The following FMN2 variants were observed in gnomAD, a reference collection of about 807,000 sequenced individuals.
FMN2 encodes the protein formin-2.
FMN2 carries 51 observed loss-of-function variants against 142.3 expected under a neutral mutation model. That is an observed-to-expected ratio of 0.36 (90% CI 0.29 to 0.45). The LOEUF is 0.45. FMN2 is among the 20% of genes least tolerant of loss of function. The probability of loss-of-function intolerance (pLI) is 1.00; values close to 1 mark genes in which losing one functional copy is unlikely to be tolerated. For synonymous variants in FMN2, 882 were observed against 869.8 expected (o/e 1.01, Z -0.25); for missense variants, 1,936 against 2,122.8 (o/e 0.91, Z 1.73).
chr1:240,159,917 A>C (rs1434187830), intron 2 of FMN2, among the ~76,000 whole-genome samples: 2 of 128,522 alleles, frequency 1.6e-5, no homozygotes, highest in East Asian at 2.2e-4. Context: ...ATATATATAT[A>C]TATATATATA....
At chr1:240,259,857 C>G (rs933998909) in intron 7 of FMN2, among the ~76,000 whole-genome samples, 3 of 152,150 alleles carry the variant, frequency 2.0e-5, no homozygotes, top group Non-Finnish European at 4.4e-5. Flanking sequence ...ATCACCCAAG[C>G]AGTATACACT....
intron 2 of FMN2, among the ~76,000 whole-genome samples, chr1:240,172,595 A>C (rs1031178651): frequency 6.6e-6 from 1 of 152,130 alleles, no homozygotes; most frequent in African/African-American, 2.4e-5. Context: ...AAGACAAGGG[A>C]CACATTTTTC....
At chr1:240,143,596 T>C in intron 2 of FMN2, 3 of 1,607,136 alleles carry the variant, frequency 1.9e-6, no homozygotes, top group South Asian at 1.1e-5. Context: ...TGCACACACA[T>C]CTACCAGTGT....
At chr1:240,234,931 T>C (rs919833437) in intron 6 of FMN2, among the ~76,000 whole-genome samples, 1 of 152,212 alleles carries the variant, frequency 6.6e-6, no homozygotes, top group East Asian at 1.9e-4. Flanking sequence ...AGTACATCCC[T>C]CTTAACTACA....
chr1:240,291,355 A>T (rs1285186529), intron 7 of FMN2, among the ~76,000 whole-genome samples: 1 of 127,134 alleles, frequency 7.9e-6, no homozygotes, highest in African/African-American at 2.9e-5. Context: ...TTAAAACTGC[A>T]TTGTAGACCT....
At chr1:240,265,761 A>G (rs1244645915) in intron 7 of FMN2, among the ~76,000 whole-genome samples, 1 of 152,120 alleles carries the variant, frequency 6.6e-6, no homozygotes, top group African/African-American at 2.4e-5. Context: ...TCAAAAGGCT[A>G]TTGAGTTCTG....
intron 2 of FMN2, among the ~76,000 whole-genome samples, chr1:240,156,050 G>A (rs1664012598): frequency 6.6e-6 from 1 of 151,950 alleles, no homozygotes. Context: ...ACCACCTGAG[G>A]CAACATAGTC....
chr1:240,110,818 T>A (rs1238354945), intron 1 of FMN2, among the ~76,000 whole-genome samples: 1 of 152,146 alleles, frequency 6.6e-6, no homozygotes, highest in African/African-American at 2.4e-5. Flanking sequence ...AGCCCTTTTT[T>A]TTAAAAAAAA....
Position 240,127,682 on chromosome 1 carries a change from A to G in FMN2, c.1782+4337A>G, listed in dbSNP as rs115269378. On this transcript the variant is annotated intron_variant, in intron 2 of 17. Coordinates refer to ENST00000319653, the MANE Select transcript of FMN2 (RefSeq NM_020066.5). ...TTGTTATAGACAGGGTCTCACTGTG[A>G]TGTCCCAAGTTGGTCTTGAACTCCT... is the stretch of plus-strand genomic sequence containing the variant. 4.8e-3 allele frequency among the ~76,000 whole-genome samples: 737 copies of G among 152,184 alleles called. 3 individuals carry two copies. The highest frequency in any genetic ancestry group is 0.031 in the South Asian group (149 of 4,822).
At chr1:240,372,755 AAAGC>A (rs1406964353) in intron 14 of FMN2, among the ~76,000 whole-genome samples, 2 of 152,032 alleles carry the variant, frequency 1.3e-5, no homozygotes, top group South Asian at 2.1e-4. Flanking sequence ...GTAAAGCAAT[AAAGC>A]AAGTCACATG....
chr1:240,338,765 T>C (rs1671649973), intron 13 of FMN2, among the ~76,000 whole-genome samples: 1 of 152,214 alleles, frequency 6.6e-6, no homozygotes, highest in African/African-American at 2.4e-5. Context: ...GGTTTCAGGA[T>C]GATTCGAGGG....
chr1:240,165,724 G>A (rs1664454776), intron 2 of FMN2, among the ~76,000 whole-genome samples: 1 of 151,762 alleles, frequency 6.6e-6, no homozygotes. Flanking sequence ...GGGACCTGGG[G>A]CACTAATATT....
intron 2 of FMN2, among the ~76,000 whole-genome samples, chr1:240,136,562 C>T (rs986331056): frequency 1.3e-5 from 2 of 151,906 alleles, no homozygotes; most frequent in African/African-American, 4.8e-5. Flanking sequence ...TTTTTTTAAT[C>T]ACCCATTTGG....
rs538373490 is a variant in FMN2 at position 240,383,602 on chromosome 1, C to T, written c.4859-8909C>T. Among the ~76,000 whole-genome samples, 9 of 152,220 alleles carry T rather than the reference C, an allele frequency of 5.9e-5. No homozygotes were observed. In the South Asian group the frequency reaches 1.9e-3, roughly 32 times the overall value. ...GCAAGCCAAAAACAGCAGAGGTAGA[C>T]ATGGATGTGCAGAAAAGGGAATAGT... On this transcript the variant is annotated intron_variant, in intron 14 of 17. Transcript: ENST00000319653.
chr1:240,114,183 T>C (rs1661929009), intron 1 of FMN2, among the ~76,000 whole-genome samples: 1 of 152,224 alleles, frequency 6.6e-6, no homozygotes, highest in Middle Eastern at 3.2e-3. Context: ...AGACATCATG[T>C]TATTTTAATA....
chr1:240,146,953 T>TTC (rs35061231), intron 2 of FMN2, among the ~76,000 whole-genome samples: 40,577 of 151,968 alleles, frequency 0.27, 6,348 homozygotes, highest in Admixed American at 0.38. Flanking sequence ...GTGGATGATG[T>TTC]TCTCCTCAGG....
intron 14 of FMN2, among the ~76,000 whole-genome samples, chr1:240,373,403 G>A (rs1394245303): frequency 6.6e-6 from 1 of 152,162 alleles, no homozygotes; most frequent in Non-Finnish European, 1.5e-5. Flanking sequence ...TATATAGCAT[G>A]AGATGCTATT....
intron 4 of FMN2, among the ~76,000 whole-genome samples, chr1:240,193,868 A>G (rs755500513): frequency 9.9e-5 from 15 of 152,244 alleles, no homozygotes; most frequent in Non-Finnish European, 2.2e-4. Context: ...ATATCTGCTT[A>G]GACTCATCCA....
At position 240,192,024 on chromosome 1, in the gene FMN2, G is replaced by T. The variant is rs368784336; in HGVS notation, c.1986+3762G>T. Among the ~76,000 whole-genome samples, 186 of 152,278 alleles carry T rather than the reference G, an allele frequency of 1.2e-3. 4 individuals carry two copies. In the South Asian group the frequency reaches 0.028, roughly 23 times the overall value. On this transcript the variant is annotated intron_variant, in intron 4 of 17. Coordinates refer to ENST00000319653, the MANE Select transcript of FMN2 (RefSeq NM_020066.5). ...TCAGCACTGTCTTCCCCCATATGTTGTATGATCTATATGCAAATAAATTCT... is the reference window on the plus strand; with the variant it reads ...TCAGCACTGTCTTCCCCCATATGTTTTATGATCTATATGCAAATAAATTCT...
Sources: gnomAD v4.1 joint callset for allele counts (sites outside exome capture counted in the v4.1 genomes callset) on GRCh38, gnomAD v4.1.1 for gene constraint, MANE v1.5 for transcripts, NCBI Gene and HGNC (gene_info 2026-07-23, HGNC 2026-07-21) for gene names.